TRDN: variants seen among roughly 807,000 people sequenced by gnomAD.
TRDN encodes triadin in skeletal muscle.
In TRDN, 161 loss-of-function variants were observed where a neutral mutation model predicts 149.7. That is an observed-to-expected ratio of 1.08 (90% confidence interval 0.95 to 1.23). The LOEUF (loss-of-function observed/expected upper bound fraction) is 1.23, where lower values mean the gene tolerates loss of function less well. Ranked by LOEUF, TRDN falls within the 50% of genes most tolerant of loss-of-function variation. TRDN has a pLI of 0.00. For missense variants in TRDN, 896 were observed against 823.5 expected (o/e 1.09, Z -1.08); for synonymous variants, 294 against 250.5 (o/e 1.17, Z -1.64).
chr6:123,549,327 CA>C (rs1781273404), intron 2 of TRDN, among the ~76,000 whole-genome samples: 1 of 151,900 alleles, frequency 6.6e-6, no homozygotes, highest in Admixed American at 6.6e-5. Flanking sequence ...TAGGGATTTC[CA>C]AAATTTTATT....
At chr6:123,557,592 C>T (rs1201804191) in intron 2 of TRDN, among the ~76,000 whole-genome samples, 1 of 152,120 alleles carries the variant, frequency 6.6e-6, no homozygotes, top group African/African-American at 2.4e-5. Context: ...GAGCCGGTCA[C>T]GGACTCGGGA....
Position 123,393,685 on chromosome 6 carries a change from T to C in TRDN, c.1052-8A>G. The C allele has an allele frequency of 6.2e-7, 1 of 1,600,634 alleles. No individual in the cohort carries two copies. The highest frequency in any genetic ancestry group is 8.5e-7 in the Non-Finnish European group (1 of 1,172,414). On this transcript the variant is annotated splice_polypyrimidine_tract_variant and splice_region_variant and intron_variant, in intron 12 of 40. Coordinates refer to ENST00000334268, the MANE Select transcript of TRDN (RefSeq NM_006073.4). ...CAGAAGCTTTTCCCGGCTCTTGGAA[T>C]GAAAAAAACATAAATTACCATGAAG...
chr6:123,460,418 T>C (rs1307211311), intron 10 of TRDN, among the ~76,000 whole-genome samples: 4 of 152,154 alleles, frequency 2.6e-5, no homozygotes, highest in Non-Finnish European at 5.9e-5. Context: ...GCTATATTGT[T>C]ATTAGCAACT....
chr6:123,432,061 C>A (rs9490748), intron 12 of TRDN, among the ~76,000 whole-genome samples: 22,115 of 152,036 alleles, frequency 0.15, 2,206 homozygotes, highest in African/African-American at 0.29. Context: ...CCTTAAACAG[C>A]ACAAATTCTT....
intron 21 of TRDN, among the ~76,000 whole-genome samples, chr6:123,339,606 G>C (rs1429788594): frequency 3.3e-5 from 5 of 152,154 alleles, no homozygotes; most frequent in African/African-American, 1.2e-4. Context: ...AATATAACTA[G>C]TAGCTTGTTT....
chr6:123,598,236 C>T, intron 1 of TRDN, among the ~76,000 whole-genome samples: 1 of 151,986 alleles, frequency 6.6e-6, no homozygotes, highest in East Asian at 1.9e-4. Context: ...ATGTAATATT[C>T]AAGGTAAATA....
chr6:123,267,215 T>C (rs1435986966), intron 32 of TRDN, among the ~76,000 whole-genome samples: 1 of 151,824 alleles, frequency 6.6e-6, no homozygotes, highest in Non-Finnish European at 1.5e-5. Flanking sequence ...GCTTCCTATA[T>C]GCCTCAGTGT....
chr6:123,269,382 G>A (rs1160377344), intron 31 of TRDN, among the ~76,000 whole-genome samples: 2 of 152,028 alleles, frequency 1.3e-5, no homozygotes, highest in Admixed American at 6.6e-5. Flanking sequence ...GCAGCTTAAA[G>A]CAAACAAATT....
intron 23 of TRDN, 129 bp downstream of exon 23, chr6:123,331,750 T>C: frequency 1.8e-6 from 1 of 568,388 alleles, no homozygotes; most frequent in Non-Finnish European, 2.9e-6. Flanking sequence ...CTTTTTTCTT[T>C]TGCTTAAAAA....
chr6:123,335,934 G>A (rs189398958), intron 22 of TRDN, among the ~76,000 whole-genome samples: 70 of 152,054 alleles, frequency 4.6e-4, no homozygotes, highest in African/African-American at 1.3e-3. Context: ...AATCAAGGAC[G>A]CTGTTTTTAT....
intron 38 of TRDN, among the ~76,000 whole-genome samples, chr6:123,243,605 A>G (rs1005041901): frequency 3.3e-5 from 5 of 152,202 alleles, no homozygotes; most frequent in Non-Finnish European, 7.3e-5. Context: ...CCAAATTGAA[A>G]TTCTGAAACT....
intron 24 of TRDN, among the ~76,000 whole-genome samples, chr6:123,291,916 G>A (rs1778025004): frequency 6.6e-6 from 1 of 152,070 alleles, no homozygotes; most frequent in African/African-American, 2.4e-5. Flanking sequence ...CTGCTGTTGT[G>A]GTCTGATGGT....
At chr6:123,555,587 C>T (rs1011645512) in intron 2 of TRDN, among the ~76,000 whole-genome samples, 2 of 152,052 alleles carry the variant, frequency 1.3e-5, no homozygotes, top group African/African-American at 4.8e-5. Context: ...CCAGAAGCAA[C>T]ACTTGATATT....
intron 9 of TRDN, among the ~76,000 whole-genome samples, chr6:123,492,590 C>T (rs1260695799): frequency 1.3e-5 from 2 of 151,780 alleles, no homozygotes; most frequent in African/African-American, 2.4e-5. Flanking sequence ...AAATAGTCTA[C>T]CTAAATGAAT....
intron 23 of TRDN, among the ~76,000 whole-genome samples, chr6:123,323,015 C>T (rs4513811): frequency 0.5 from 76,635 of 151,848 alleles, 20,464 homozygotes; most frequent in Non-Finnish European, 0.61. Flanking sequence ...AGCCTCACTG[C>T]CTAGAATAGC....
At chr6:123,416,090 T>C (rs1484515278) in intron 12 of TRDN, among the ~76,000 whole-genome samples, 1 of 152,112 alleles carries the variant, frequency 6.6e-6, no homozygotes, top group Non-Finnish European at 1.5e-5. Flanking sequence ...ATATGCAAAA[T>C]TCAGTGACAG....
chr6:123,435,408 T>C lies in TRDN; in HGVS notation c.1051+2655A>G, dbSNP rs764001835. ...CTTGAAACCTGCTGTTTGTAAACCATATTGCTGTCACATGAAAATATAAAG... is the reference window on the plus strand; with the variant it reads ...CTTGAAACCTGCTGTTTGTAAACCACATTGCTGTCACATGAAAATATAAAG... On this transcript the variant is annotated intron_variant, in intron 12 of 40. Coordinates refer to ENST00000334268, the MANE Select transcript of TRDN (RefSeq NM_006073.4). Among the ~76,000 whole-genome samples the C allele has an allele frequency of 2.8e-4, 43 of 152,190 alleles. No homozygotes were observed. In the Middle Eastern group the frequency reaches 0.01, roughly 36 times the overall value.
chr6:123,268,528 C>G (rs1236620695), intron 31 of TRDN, among the ~76,000 whole-genome samples: 2 of 151,950 alleles, frequency 1.3e-5, no homozygotes, highest in African/African-American at 4.8e-5. Context: ...TGGAACAGAC[C>G]AAGTGTTACC....
At chr6:123,236,457 G>A (rs1463511286) in intron 38 of TRDN, among the ~76,000 whole-genome samples, 1 of 152,078 alleles carries the variant, frequency 6.6e-6, no homozygotes, top group Non-Finnish European at 1.5e-5. Flanking sequence ...TTTTGAGATG[G>A]TATACAATTT....
Sources: allele counts gnomAD v4.1 joint callset (sites outside exome capture counted in the v4.1 genomes callset), GRCh38; gene constraint gnomAD v4.1.1; transcripts MANE v1.5; gene names NCBI Gene and HGNC (gene_info 2026-07-23, HGNC 2026-07-21).